LRP12: variants seen among roughly 807,000 people sequenced by gnomAD.
LRP12 encodes LDL receptor related protein 12.
A neutral mutation model predicts 66.0 loss-of-function variants in LRP12; 14 were observed. The ratio of observed to expected loss-of-function variants is 0.21; its 90% CI spans 0.14 to 0.33. The LOEUF (loss-of-function observed/expected upper bound fraction) is 0.33, where lower values mean the gene tolerates loss of function less well. Ranked by LOEUF, LRP12 falls within the 10% of genes least tolerant of loss-of-function variation. The pLI is 1.00. For missense variants in LRP12, 889 were observed against 1,053.4 expected (o/e 0.84, Z 2.16); for synonymous variants, 357 against 359.1 (o/e 0.99, Z 0.07).
intron 1 of LRP12, among the ~76,000 whole-genome samples, chr8:104,574,455 T>C (rs1363362337): frequency 1.3e-5 from 2 of 152,160 alleles, no homozygotes; most frequent in Non-Finnish European, 2.9e-5. Flanking sequence ...CTGATGGCCA[T>C]AGGGTTGTTT....
rs376689975 is a variant in LRP12, at chr8:104,553,249, G to A, written c.80-21286C>T. Among the ~76,000 whole-genome samples the A allele has an allele frequency of 5.3e-5, 8 of 152,308 alleles. No individual in the cohort carries two copies. The East Asian group carries it at 9.7e-4, about 18-fold the overall frequency. On this transcript the variant is annotated intron_variant, in intron 1 of 6. Transcript: ENST00000276654. ...CAGAATCCGGGGGAGGGGGAAAATG[G>A]GGAGTGCAGATACATGCACAGAAGT...
At chr8:104,509,644 G>A (rs1810963810) in intron 2 of LRP12, among the ~76,000 whole-genome samples, 2 of 152,174 alleles carry the variant, frequency 1.3e-5, no homozygotes, top group South Asian at 4.1e-4. Context: ...ATTCGGATAT[G>A]TCAAAGAGAA....
At chr8:104,551,497 G>A (rs1811724820) in intron 1 of LRP12, among the ~76,000 whole-genome samples, 1 of 152,116 alleles carries the variant, frequency 6.6e-6, no homozygotes. Flanking sequence ...CCAACAGGTA[G>A]TTTTTTAACC....
intron 1 of LRP12, among the ~76,000 whole-genome samples, chr8:104,548,616 T>TAATTATATAATTATTATATAATTA (rs1588501579): frequency 1.8e-5 from 2 of 112,218 alleles, no homozygotes; most frequent in African/African-American, 4.1e-5. Flanking sequence ...ATAATTAAAT[T>TAATTATATAATTATTATATAATTA]AATTATATAA....
intron 1 of LRP12, among the ~76,000 whole-genome samples, chr8:104,560,263 A>G (rs768351924): frequency 1.4e-4 from 22 of 152,152 alleles, no homozygotes; most frequent in Non-Finnish European, 2.8e-4. Flanking sequence ...TAAATCTCAC[A>G]GTTACTGAAG....
intron 3 of LRP12, chr8:104,504,840 A>C (rs1810882409): frequency 6.6e-6 from 1 of 152,154 alleles, no homozygotes; most frequent in South Asian, 2.1e-4. Flanking sequence ...TTTGCTTTGC[A>C]TGTATTTTAG....
chr8:104,531,030 T>C (rs1811318166), intron 2 of LRP12, among the ~76,000 whole-genome samples: 1 of 152,142 alleles, frequency 6.6e-6, no homozygotes, highest in African/African-American at 2.4e-5. Context: ...GTTAAGTCTA[T>C]TAACTTTCTG....
intron 1 of LRP12, among the ~76,000 whole-genome samples, chr8:104,533,657 T>G (rs1401174885): frequency 6.6e-6 from 1 of 152,058 alleles, no homozygotes; most frequent in Admixed American, 6.6e-5. Flanking sequence ...TAGCATATTA[T>G]GCCCAGGAGA....
chr8:104,524,141 C>G (rs1036712469), intron 2 of LRP12, among the ~76,000 whole-genome samples: 1 of 148,672 alleles, frequency 6.7e-6, no homozygotes, highest in Non-Finnish European at 1.5e-5. Context: ...ACTCGGGAGG[C>G]TGAGGTGGGA....
chr8:104,563,050 A>G (rs933632197), intron 1 of LRP12, among the ~76,000 whole-genome samples: 1 of 152,176 alleles, frequency 6.6e-6, no homozygotes, highest in Non-Finnish European at 1.5e-5. Context: ...TAAAAGAACA[A>G]TATAGTGTAA....
intron 1 of LRP12, among the ~76,000 whole-genome samples, chr8:104,565,578 G>A (rs927892270): frequency 7.0e-6 from 1 of 143,204 alleles, no homozygotes. Flanking sequence ...ATACAACCCA[G>A]GCCGGGCGCG....
chr8:104,494,015 G>A (rs922455752), intron 6 of LRP12, among the ~76,000 whole-genome samples: 1 of 152,180 alleles, frequency 6.6e-6, no homozygotes, highest in East Asian at 1.9e-4. Flanking sequence ...GGGATTTGGG[G>A]AACTCCTTGA....
In LRP12 at chr8:104,497,966, C is replaced by A. The variant is rs1160050007; in HGVS notation, c.586G>T (p.Asp196Tyr). ...GCTTCTTTGGCACAGATCTCTTCAT[C>A]GGAACTATCTCCACATTCATCCATG... is the stretch of plus-strand genomic sequence containing the variant. The part of the protein sequence containing the change: ...NNMDECGDSS[D>Y]EEICAKEANP... Residue 196 changes from aspartate to tyrosine, a missense_variant, in exon 5 of 7, where the codon GAT becomes TAT. Physicochemically the swap from Asp to Tyr is radical, Grantham distance 160. Around this residue, in one of 3 missense-constraint regions of LRP12, gnomAD observed 800 missense variants for 964.5 expected, o/e 0.83. Transcript: ENST00000276654. This position sits in a 1 kb window ranked among gnomAD's most constrained non-coding sequence, Gnocchi z 4.3. 1 of 1,614,030 alleles carries A rather than the reference C, an allele frequency of 6.2e-7. No homozygotes were observed. Among genetic ancestry groups the A allele is most frequent in the Non-Finnish European group, 8.5e-7 (1 of 1,180,028 alleles).
intron 1 of LRP12, among the ~76,000 whole-genome samples, chr8:104,537,815 CA>C (rs1811411736): frequency 6.6e-6 from 1 of 152,162 alleles, no homozygotes; most frequent in South Asian, 2.1e-4. Flanking sequence ...AGAAGTAACA[CA>C]AAAGTATTCA....
chr8:104,579,061 G>C (rs1251986236), intron 1 of LRP12, among the ~76,000 whole-genome samples: 1 of 152,042 alleles, frequency 6.6e-6, no homozygotes, highest in Non-Finnish European at 1.5e-5. Context: ...ATTCAACATA[G>C]TACTGGAAGT....
chr8:104,518,894 A>G (rs1811109339), intron 2 of LRP12, among the ~76,000 whole-genome samples: 1 of 152,086 alleles, frequency 6.6e-6, no homozygotes, highest in African/African-American at 2.4e-5. Flanking sequence ...ACAGATACTT[A>G]AAGACACTTA....
intron 1 of LRP12, among the ~76,000 whole-genome samples, chr8:104,562,073 A>G (rs1375007074): frequency 6.6e-6 from 1 of 152,202 alleles, no homozygotes; most frequent in Non-Finnish European, 1.5e-5. Context: ...AAAGTAGTAT[A>G]ATCTTTCTGG....
At chr8:104,506,614 C>T (rs1810911061) in intron 3 of LRP12, 1 of 152,166 alleles carries the variant, frequency 6.6e-6, no homozygotes, top group Admixed American at 6.5e-5. Context: ...TCTCTAAGCT[C>T]TCAGCCCCAT....
chr8:104,571,341 G>A (rs186195543), intron 1 of LRP12, among the ~76,000 whole-genome samples: 261 of 152,208 alleles, frequency 1.7e-3, no homozygotes, highest in Middle Eastern at 3.4e-3. Flanking sequence ...CACCTGATAA[G>A]GTCTGCCTAT....
Sources: gnomAD v4.1 joint callset for allele counts (sites outside exome capture counted in the v4.1 genomes callset) on GRCh38, gnomAD v4.1.1 for gene constraint, gnomAD v4.1.1 regional missense constraint, Gnocchi (gnomAD v3.1) non-coding constraint, MANE v1.5 for transcripts, NCBI Gene and HGNC (gene_info 2026-07-23, HGNC 2026-07-21) for gene names.